Variants in DTD1 observed in about 807,000 individuals in gnomAD.
DTD1 encodes D-aminoacyl-tRNA deacylase 1, also known as D-tyrosyl-tRNA deacylase 1 homolog.
Under a neutral mutation model 25.6 loss-of-function variants are expected in DTD1, and 13 were observed. The ratio of observed to expected loss-of-function variants is 0.51; its 90% CI spans 0.33 to 0.81. The LOEUF (loss-of-function observed/expected upper bound fraction) is 0.81, where lower values mean the gene tolerates loss of function less well. Among genes scored for constraint, DTD1 ranks in the 30% least tolerant of loss-of-function variants. The probability of loss-of-function intolerance (pLI) is 0.02; values close to 1 mark genes in which losing one functional copy is unlikely to be tolerated. For missense variants in DTD1, 193 were observed against 266.4 expected, an observed-to-expected ratio of 0.72 and a Z score of 1.92; for synonymous variants, 110 against 103.6, an observed-to-expected ratio of 1.06 and a Z score of -0.37.
Position 18,703,791 on chromosome 20 carries a change from T to G in DTD1, c.478-40309T>G, listed in dbSNP as rs558868405. ...GGGGTATTATGTTTTCTTGATGTTCTCTGAAGATACATACTAACTGAACTT... is the reference window on the plus strand; with the variant it reads ...GGGGTATTATGTTTTCTTGATGTTCGCTGAAGATACATACTAACTGAACTT... On this transcript the variant is annotated intron_variant, in intron 4 of 5. Transcript: ENST00000377452. Among the ~76,000 whole-genome samples the G allele has an allele frequency of 5.9e-5, 9 of 152,270 alleles. No homozygotes were observed. In the South Asian group the frequency reaches 1.9e-3, roughly 32 times the overall value.
At chr20:18,658,577 C>T in intron 4 of DTD1, among the ~76,000 whole-genome samples, 1 of 152,106 alleles carries the variant, frequency 6.6e-6, no homozygotes, top group East Asian at 1.9e-4. Flanking sequence ...TTGTGCTAGC[C>T]AGTTTCATTT....
chr20:18,756,779 T>G (rs1050293793), intron 5 of DTD1, among the ~76,000 whole-genome samples: 1 of 152,036 alleles, frequency 6.6e-6, no homozygotes, highest in African/African-American at 2.4e-5. Flanking sequence ...ATATGAACTT[T>G]AAAGTAGTTT....
At chr20:18,704,429 G>A (rs1220421785) in intron 4 of DTD1, among the ~76,000 whole-genome samples, 2 of 152,122 alleles carry the variant, frequency 1.3e-5, no homozygotes, top group Non-Finnish European at 2.9e-5. Context: ...GAACTCCAAT[G>A]GACTCAGGTT....
chr20:18,713,738 C>T (rs1173345243), intron 4 of DTD1, among the ~76,000 whole-genome samples: 3 of 152,216 alleles, frequency 2.0e-5, no homozygotes, highest in Admixed American at 6.5e-5. Context: ...AGGTTTCTCT[C>T]TGCTCATATA....
chr20:18,590,300 C>G (rs1402674443), intron 1 of DTD1, among the ~76,000 whole-genome samples: 2 of 152,172 alleles, frequency 1.3e-5, no homozygotes, highest in African/African-American at 4.8e-5. Context: ...GTTTCAGCAT[C>G]CTGAGTAGTT....
At chr20:18,752,210 A>G (rs555592808) in intron 5 of DTD1, among the ~76,000 whole-genome samples, 7 of 151,628 alleles carry the variant, frequency 4.6e-5, no homozygotes, top group African/African-American at 1.7e-4. Context: ...CTGTGATTTG[A>G]TGTCTGTTAT....
chr20:18,620,598 T>C (rs1481030663), intron 3 of DTD1, among the ~76,000 whole-genome samples: 2 of 128,146 alleles, frequency 1.6e-5, no homozygotes, highest in Non-Finnish European at 3.4e-5. Flanking sequence ...CTTTTTTTCT[T>C]TTTTTTCTTT....
chr20:18,679,642 A>G (rs896192136), intron 4 of DTD1, among the ~76,000 whole-genome samples: 14 of 148,498 alleles, frequency 9.4e-5, no homozygotes, highest in Non-Finnish European at 1.3e-4. Flanking sequence ...TCACTGCTAG[A>G]TGTTTGAGGT....
rs2060610708 is a variant in DTD1 at position 18,596,190 on chromosome 20, A to G, written c.319A>G (p.Asn107Asp). 1 of 1,614,176 alleles carries G rather than the reference A, an allele frequency of 6.2e-7. No homozygotes were observed. The highest frequency in any genetic ancestry group is 1.3e-5 in the African/African-American group (1 of 75,050). Residue 107 changes from asparagine to aspartate, a missense_variant, in exon 3 of 6, where the codon AAC becomes GAC. Asn to Asp is a conservative substitution (Grantham distance 23). Transcript: ENST00000377452. ...MPTEQAEGFY[N>D]SFLEQLRKTY... ...CACGGAGCAGGCAGAGGGCTTCTACAACAGCTTCCTGGAGCAGCTGCGTAA... is the reference window on the plus strand; with the variant it reads ...CACGGAGCAGGCAGAGGGCTTCTACGACAGCTTCCTGGAGCAGCTGCGTAA...
intron 4 of DTD1, among the ~76,000 whole-genome samples, chr20:18,725,788 C>T (rs1274736074): frequency 1.3e-5 from 2 of 152,196 alleles, no homozygotes; most frequent in Non-Finnish European, 2.9e-5. Flanking sequence ...AGTGTATCCT[C>T]AGTTTCCTGG....
At chr20:18,745,984 A>G (rs1377208788) in intron 5 of DTD1, among the ~76,000 whole-genome samples, 1 of 152,142 alleles carries the variant, frequency 6.6e-6, no homozygotes, top group African/African-American at 2.4e-5. Flanking sequence ...GTAGGAACAG[A>G]GGGGAAAGAG....
At chr20:18,594,234 C>A (rs1468433744) in intron 2 of DTD1, among the ~76,000 whole-genome samples, 1 of 152,092 alleles carries the variant, frequency 6.6e-6, no homozygotes, top group African/African-American at 2.4e-5. Flanking sequence ...AAATTGCTTG[C>A]CCCAGATCAT....
chr20:18,696,204 G>A (rs181008011), intron 4 of DTD1, among the ~76,000 whole-genome samples: 3 of 152,244 alleles, frequency 2.0e-5, no homozygotes, highest in Admixed American at 2.0e-4. Context: ...CGAGGGGAAT[G>A]TGGGCCTCAT....
At chr20:18,627,737 C>G (rs1387599784) in intron 3 of DTD1, among the ~76,000 whole-genome samples, 1 of 152,286 alleles carries the variant, frequency 6.6e-6, no homozygotes, top group South Asian at 2.1e-4. Flanking sequence ...TGAATTGTAA[C>G]TCTCACAATT....
chr20:18,669,788 T>C (rs549962291), intron 4 of DTD1, among the ~76,000 whole-genome samples: 1 of 152,316 alleles, frequency 6.6e-6, no homozygotes, highest in South Asian at 2.1e-4. Flanking sequence ...CAAGGGTTTC[T>C]GTACTGTGTC....
chr20:18,758,585 A>G (rs2061348409), intron 5 of DTD1, among the ~76,000 whole-genome samples: 1 of 152,044 alleles, frequency 6.6e-6, no homozygotes, highest in African/African-American at 2.4e-5. Context: ...AGCGGTTTTG[A>G]GTGAGTTTCT....
In DTD1 at chr20:18,624,732, G is replaced by T. The variant is rs139127554; in HGVS notation, c.371-3395G>T. Among the ~76,000 whole-genome samples the T allele has an allele frequency of 2.0e-5, 3 of 152,276 alleles. No homozygotes were observed. In the East Asian group the frequency reaches 5.8e-4, roughly 29 times the overall value. ...GAGTGATGTCAAGGACCCCAGCAGG[G>T]CCCAGAGATGTCTGAGCAAAGTTTG... On this transcript the variant is annotated intron_variant, in intron 3 of 5. Transcript: ENST00000377452.
chr20:18,644,052 G>A (rs999048136), intron 4 of DTD1, among the ~76,000 whole-genome samples: 1 of 152,140 alleles, frequency 6.6e-6, no homozygotes, highest in Non-Finnish European at 1.5e-5. Flanking sequence ...ACTGCATTTT[G>A]TGTAGCTATT....
At chr20:18,682,677 A>G (rs1211051371) in intron 4 of DTD1, among the ~76,000 whole-genome samples, 1 of 152,208 alleles carries the variant, frequency 6.6e-6, no homozygotes, top group African/African-American at 2.4e-5. Flanking sequence ...CAGTCAACTC[A>G]TCTCTACCTT....
Sources: allele counts gnomAD v4.1 joint callset (sites outside exome capture counted in the v4.1 genomes callset), GRCh38; gene constraint gnomAD v4.1.1; transcripts MANE v1.5; gene names NCBI Gene and HGNC (gene_info 2026-07-23, HGNC 2026-07-21).